The following SLC39A8 variants were observed in gnomAD, a reference collection of about 807,000 sequenced individuals.
SLC39A8 encodes metal cation symporter ZIP8.
A neutral mutation model predicts 40.4 loss-of-function variants in SLC39A8; 15 were observed. The observed-to-expected ratio is 0.37, with a 90% CI of 0.25 to 0.57. SLC39A8 has a LOEUF of 0.57. SLC39A8 is among the 20% of genes least tolerant of loss of function. The pLI is 0.75. For missense variants in SLC39A8, 472 were observed against 558.8 expected (o/e 0.84, Z 1.57); for synonymous variants, 223 against 221.6 (o/e 1.01, Z -0.06).
chr4:102,337,558 G>C (rs1287128342), intron 2 of SLC39A8, among the ~76,000 whole-genome samples: 1 of 152,224 alleles, frequency 6.6e-6, no homozygotes, highest in Non-Finnish European at 1.5e-5. Context: ...CAGTGATTCT[G>C]TTGAAGTACT....
chr4:102,288,394 T>G (rs1733279053), intron 6 of SLC39A8, among the ~76,000 whole-genome samples: 1 of 152,062 alleles, frequency 6.6e-6, no homozygotes, highest in Non-Finnish European at 1.5e-5. Context: ...TCCTCCCTTC[T>G]GTAGGGCCTC....
At chr4:102,338,095 T>C (rs531473513) in intron 2 of SLC39A8, among the ~76,000 whole-genome samples, 1 of 152,196 alleles carries the variant, frequency 6.6e-6, no homozygotes, top group Non-Finnish European at 1.5e-5. Flanking sequence ...GACAATCATA[T>C]ATGGCCTTGT....
chr4:102,269,162 T>TA (rs34250686), intron 6 of SLC39A8, among the ~76,000 whole-genome samples: 67 of 149,192 alleles, frequency 4.5e-4, no homozygotes, highest in East Asian at 1.2e-3. Context: ...ATGGATACAT[T>TA]AAAAAAAAAA....
chr4:102,324,266 A>C, intron 2 of SLC39A8: 1 of 358,820 alleles, frequency 2.8e-6, no homozygotes, highest in South Asian at 2.0e-5. Flanking sequence ...GTGTTGGTGC[A>C]TGCCTGTAAT....
chr4:102,283,638 T>A (rs1181317594), intron 6 of SLC39A8, among the ~76,000 whole-genome samples: 1 of 136,702 alleles, frequency 7.3e-6, no homozygotes, highest in Non-Finnish European at 1.7e-5. Flanking sequence ...AATCTACTGT[T>A]TACAGATTGC....
downstream of SLC39A8, among the ~76,000 whole-genome samples, chr4:102,260,142 A>T (rs947623232): frequency 5.9e-5 from 9 of 152,242 alleles, no homozygotes; most frequent in African/African-American, 2.2e-4. Flanking sequence ...GATTGATCTG[A>T]AACAAGTCAT....
chr4:102,317,144 A>G (rs1355673305), intron 2 of SLC39A8, among the ~76,000 whole-genome samples: 2 of 152,194 alleles, frequency 1.3e-5, no homozygotes, highest in East Asian at 3.9e-4. Context: ...CTCAAAGTTG[A>G]TGTTAATTGT....
downstream of SLC39A8, among the ~76,000 whole-genome samples, chr4:102,257,815 C>T (rs1560521162): frequency 6.6e-6 from 1 of 152,244 alleles, no homozygotes. Context: ...ACTCTAAATA[C>T]ATGCTCTGTC....
At chr4:102,315,897 T>C (rs1433024422) in intron 2 of SLC39A8, 67 bp from the exon 3 acceptor site, 11 of 1,365,544 alleles carry the variant, frequency 8.1e-6, no homozygotes, top group African/African-American at 1.5e-5. Context: ...AAAGATGCTA[T>C]AAAGAGACAC....
chr4:102,339,324 GA>G (rs1281646921), intron 2 of SLC39A8, among the ~76,000 whole-genome samples: 2,707 of 141,132 alleles, frequency 0.019, 24 homozygotes, highest in Admixed American at 0.026. Flanking sequence ...ACATAAAGGG[GA>G]AAAAAAAAAA....
chr4:102,310,815 C>A (rs1266946315), intron 3 of SLC39A8, among the ~76,000 whole-genome samples: 1 of 152,054 alleles, frequency 6.6e-6, no homozygotes, highest in South Asian at 2.1e-4. Flanking sequence ...AGAGAGGGAC[C>A]AGTCTCCTTA....
At chr4:102,313,738 T>C (rs758962443) in intron 3 of SLC39A8, among the ~76,000 whole-genome samples, 1 of 151,994 alleles carries the variant, frequency 6.6e-6, no homozygotes, top group Admixed American at 6.6e-5. Flanking sequence ...TACAGGTGCA[T>C]GCCACCATGT....
chr4:102,330,559 C>T (rs1012267193), intron 2 of SLC39A8, among the ~76,000 whole-genome samples: 1 of 152,172 alleles, frequency 6.6e-6, no homozygotes, highest in Admixed American at 6.5e-5. Flanking sequence ...AAGTCCAGGA[C>T]TGGATGGATT....
chr4:102,285,264 C>A (rs79930972), intron 6 of SLC39A8, among the ~76,000 whole-genome samples: 3,893 of 152,044 alleles, frequency 0.026, 184 homozygotes, highest in African/African-American at 0.089. Flanking sequence ...ATAAATTGAG[C>A]CAATAATTAG....
chr4:102,289,019 G>C (rs185888218), intron 6 of SLC39A8, among the ~76,000 whole-genome samples: 3 of 152,144 alleles, frequency 2.0e-5, no homozygotes, highest in Non-Finnish European at 4.4e-5. Context: ...ATGCCATCCA[G>C]GGCTTTCATA....
intron 3 of SLC39A8, 73 bp downstream of exon 3, chr4:102,315,595 G>C (rs920196722): frequency 1.5e-6 from 2 of 1,293,250 alleles, no homozygotes; most frequent in Non-Finnish European, 2.1e-6. Context: ...AGCAGAAAAA[G>C]AGGCATATTA....
At chr4:102,254,404 AT>A (rs1731664224) in intron 11 of SLC39A8, among the ~76,000 whole-genome samples, 1 of 152,324 alleles carries the variant, frequency 6.6e-6, no homozygotes, top group African/African-American at 2.4e-5. Flanking sequence ...CAAGCTCAGA[AT>A]TTTTTTCCTT....
chr4:102,262,635 G>T lies in SLC39A8; in HGVS notation c.*409C>A, dbSNP rs1731914340. 1 of 986,992 alleles carries T rather than the reference G, an allele frequency of 1.0e-6. No individual in the cohort carries two copies. The highest frequency in any genetic ancestry group is 1.2e-6 in the Non-Finnish European group (1 of 831,118). 61.1% of individuals were successfully genotyped at this position (986,992 alleles called of 1,614,324 possible). ...TTGAAAGCACTAGAACAAATTAATT[G>T]AAATAAAACCTCTCTGAAACCATTT... On this transcript the variant is annotated 3_prime_UTR_variant, in exon 9 of 9. Coordinates refer to ENST00000356736, the MANE Select transcript of SLC39A8 (RefSeq NM_001135146.2).
intron 6 of SLC39A8, among the ~76,000 whole-genome samples, chr4:102,300,353 G>A (rs1245569571): frequency 1.3e-5 from 2 of 152,066 alleles, no homozygotes; most frequent in South Asian, 2.1e-4. Context: ...ATTTTTATAT[G>A]ACTAAACACA....
Sources: allele counts gnomAD v4.1 joint callset (sites outside exome capture counted in the v4.1 genomes callset), GRCh38; gene constraint gnomAD v4.1.1; transcripts MANE v1.5; gene names NCBI Gene and HGNC (gene_info 2026-07-23, HGNC 2026-07-21).